The following PCMTD1 variants were observed in gnomAD, a reference collection of about 807,000 sequenced individuals.
PCMTD1 encodes the protein protein-L-isoaspartate (D-aspartate) O-methyltransferase domain containing 1, also known as protein-L-isoaspartate O-methyltransferase domain-containing protein 1.
A neutral mutation model predicts 37.6 loss-of-function variants in PCMTD1; 12 were observed. The ratio of observed to expected loss-of-function variants is 0.32; its 90% CI spans 0.20 to 0.52. The LOEUF (loss-of-function observed/expected upper bound fraction) is 0.52. Among genes scored for constraint, PCMTD1 ranks in the 20% least tolerant of loss-of-function variants. PCMTD1 has a pLI of 0.97. For missense variants in PCMTD1, 235 were observed against 421.3 expected (o/e 0.56, Z 3.87); for synonymous variants, 117 against 135.8 (o/e 0.86, Z 0.96).
At chr8:51,875,497 T>C (rs532425792) in intron 1 of PCMTD1, among the ~76,000 whole-genome samples, 22 of 152,366 alleles carry the variant, frequency 1.4e-4, no homozygotes, top group African/African-American at 5.3e-4. Context: ...TTAATTCACT[T>C]GCTACTCCTT....
chr8:51,870,079 A>T (rs1197951232), intron 1 of PCMTD1, among the ~76,000 whole-genome samples: 7 of 152,192 alleles, frequency 4.6e-5, no homozygotes, highest in Admixed American at 4.6e-4. Flanking sequence ...GGTAGGAAGC[A>T]GACCAATGGC....
chr8:51,822,826 G>C (rs2037868538), intron 5 of PCMTD1, among the ~76,000 whole-genome samples: 1 of 152,180 alleles, frequency 6.6e-6, no homozygotes, highest in Non-Finnish European at 1.5e-5. Flanking sequence ...AAGGGACAGA[G>C]TGAAGAATAA....
intron 1 of PCMTD1, among the ~76,000 whole-genome samples, chr8:51,867,476 GGTGTGTGTGTGTGTGTGTGTGTGTGTGT>G (rs59206546): frequency 1.4e-5 from 2 of 141,484 alleles, no homozygotes; most frequent in Non-Finnish European, 3.1e-5. Context: ...TAAAGAAAAT[GGTGTGTGTGTGTGTGTGTGTGTGTGTGT>G]GTGTGTGTGT....
intron 1 of PCMTD1, among the ~76,000 whole-genome samples, chr8:51,872,480 T>G (rs1468938864): frequency 6.6e-6 from 1 of 152,168 alleles, no homozygotes; most frequent in Non-Finnish European, 1.5e-5. Context: ...AGAAAAACCT[T>G]TAAAACAAGT....
At chr8:51,863,455 A>G (rs2038504426) in intron 1 of PCMTD1, among the ~76,000 whole-genome samples, 1 of 152,200 alleles carries the variant, frequency 6.6e-6, no homozygotes, top group African/African-American at 2.4e-5. Flanking sequence ...ACTGACAAAC[A>G]CTGTACTGAG....
intron 1 of PCMTD1, among the ~76,000 whole-genome samples, chr8:51,871,475 G>C (rs1006735479): frequency 6.6e-6 from 1 of 152,190 alleles, no homozygotes. Context: ...ACAGCAGTCA[G>C]ATACCAAAAC....
chr8:51,872,061 T>A (rs1458226063), intron 1 of PCMTD1, among the ~76,000 whole-genome samples: 1 of 152,210 alleles, frequency 6.6e-6, no homozygotes, highest in African/African-American at 2.4e-5. Flanking sequence ...AAACAGTAGA[T>A]GGTAGTTCTA....
At chr8:51,845,580 CAAT>C (rs1277757754) in intron 3 of PCMTD1, 78 bp downstream of exon 3, 5 of 964,936 alleles carry the variant, frequency 5.2e-6, no homozygotes, top group Middle Eastern at 5.2e-4. Context: ...CAGTCAGGAT[CAAT>C]AATAGTGTTC....
intron 3 of PCMTD1, among the ~76,000 whole-genome samples, chr8:51,835,136 GACTGAATT>G (rs531937887): frequency 3.5e-4 from 54 of 152,312 alleles, no homozygotes; most frequent in Non-Finnish European, 6.9e-4. Flanking sequence ...TCTGCAGGCA[GACTGAATT>G]ACTTGCTTCT....
chr8:51,852,238 T>G (rs1368754297), intron 2 of PCMTD1, among the ~76,000 whole-genome samples: 2 of 152,194 alleles, frequency 1.3e-5, no homozygotes, highest in Non-Finnish European at 1.5e-5. Flanking sequence ...AACATAATAC[T>G]TCTTTAAAGA....
chr8:51,863,545 A>G (rs1459188315), intron 1 of PCMTD1, among the ~76,000 whole-genome samples: 1 of 152,194 alleles, frequency 6.6e-6, no homozygotes, highest in Admixed American at 6.5e-5. Flanking sequence ...CACTTTGGGA[A>G]GTCAAAGTGG....
intron 1 of PCMTD1, 140 bp downstream of exon 1, chr8:51,898,790 T>C (rs2039050626): frequency 7.4e-6 from 6 of 810,858 alleles, no homozygotes; most frequent in African/African-American, 5.6e-5. Flanking sequence ...TGCCCGCCCT[T>C]AAGTCCCCCT....
At chr8:51,827,501 T>C in intron 5 of PCMTD1, 1 of 295,256 alleles carries the variant, frequency 3.4e-6, no homozygotes, top group Middle Eastern at 4.1e-4. Flanking sequence ...TTCCTCACCA[T>C]ACATACCACC....
intron 1 of PCMTD1, among the ~76,000 whole-genome samples, chr8:51,882,818 TAAAA>T: frequency 7.3e-6 from 1 of 137,568 alleles, no homozygotes; most frequent in Non-Finnish European, 1.5e-5. Context: ...ATAGCATACT[TAAAA>T]AAAAAAAAAA....
intron 1 of PCMTD1, among the ~76,000 whole-genome samples, chr8:51,880,893 C>A (rs1014669645): frequency 7.2e-5 from 11 of 152,186 alleles, no homozygotes; most frequent in Admixed American, 3.3e-4. Flanking sequence ...TGTTCCAATA[C>A]AATTTTATTT....
intron 2 of PCMTD1, among the ~76,000 whole-genome samples, chr8:51,846,168 T>A (rs1169415463): frequency 6.6e-6 from 1 of 152,180 alleles, no homozygotes; most frequent in Non-Finnish European, 1.5e-5. Flanking sequence ...AACACAGATA[T>A]TACATGAATG....
chr8:51,877,001 CT>C (rs2038721860), intron 1 of PCMTD1, among the ~76,000 whole-genome samples: 1 of 152,174 alleles, frequency 6.6e-6, no homozygotes, highest in African/African-American at 2.4e-5. Context: ...AAAATAGTAA[CT>C]TCACAATGGA....
intron 5 of PCMTD1, among the ~76,000 whole-genome samples, chr8:51,831,227 G>A (rs1488068066): frequency 6.6e-6 from 1 of 151,776 alleles, no homozygotes; most frequent in Non-Finnish European, 1.5e-5. Flanking sequence ...GAACCCAGGA[G>A]GCAGACGTTG....
chr8:51,842,836 A>T (rs1003817297), intron 3 of PCMTD1, among the ~76,000 whole-genome samples: 1 of 152,170 alleles, frequency 6.6e-6, no homozygotes, highest in South Asian at 2.1e-4. Flanking sequence ...GCATAAAAAA[A>T]ACTGGAAGAA....
Sources: gnomAD v4.1 joint callset for allele counts (sites outside exome capture counted in the v4.1 genomes callset) on GRCh38, gnomAD v4.1.1 for gene constraint, MANE v1.5 for transcripts, NCBI Gene and HGNC (gene_info 2026-07-23, HGNC 2026-07-21) for gene names.